Variants in RUNDC3B observed in about 807,000 individuals in gnomAD.
RUNDC3B encodes the protein RUN domain-containing protein 3B.
Under a neutral mutation model 58.4 loss-of-function variants are expected in RUNDC3B, and 33 were observed. The ratio of observed to expected loss-of-function variants is 0.56; its 90% CI spans 0.43 to 0.75. RUNDC3B has a LOEUF of 0.75. Ranked by LOEUF, RUNDC3B falls within the 30% of genes least tolerant of loss-of-function variation. The pLI, the probability that RUNDC3B is intolerant of heterozygous loss-of-function variation, is 0.00. For synonymous variants in RUNDC3B, 193 were observed against 195.2 expected, an observed-to-expected ratio of 0.99 and a Z score of 0.10; for missense variants, 501 against 535.7, an observed-to-expected ratio of 0.94 and a Z score of 0.64.
intron 6 of RUNDC3B, among the ~76,000 whole-genome samples, chr7:87,752,764 CT>C (rs1833097030): frequency 6.6e-6 from 1 of 152,070 alleles, no homozygotes; most frequent in Non-Finnish European, 1.5e-5. Flanking sequence ...ATTCTTCTCT[CT>C]TTTTTTCTTT....
chr7:87,745,779 A>AT (rs113597258), intron 6 of RUNDC3B, among the ~76,000 whole-genome samples: 21,961 of 151,184 alleles, frequency 0.15, 2,536 homozygotes, highest in African/African-American at 0.32. Flanking sequence ...TATCTTTTGT[A>AT]TTTTTTTGTT....
chr7:87,747,332 A>G (rs991104795), intron 6 of RUNDC3B, among the ~76,000 whole-genome samples: 7 of 152,042 alleles, frequency 4.6e-5, no homozygotes, highest in African/African-American at 1.4e-4. Flanking sequence ...TGAGCCATCT[A>G]TGGGTCTCTC....
intron 2 of RUNDC3B, 125 bp from the exon 3 acceptor site, chr7:87,700,296 G>C: frequency 2.8e-6 from 2 of 709,954 alleles, no homozygotes. Flanking sequence ...ACCTAGATTG[G>C]TGGTGCCCTT....
intron 4 of RUNDC3B, among the ~76,000 whole-genome samples, chr7:87,735,471 C>T (rs1831871186): frequency 2.0e-5 from 3 of 152,162 alleles, no homozygotes; most frequent in Admixed American, 1.3e-4. Flanking sequence ...TTTCTTATTA[C>T]ATTAGCCAGA....
At chr7:87,676,961 A>T (rs1826429897) in intron 2 of RUNDC3B, among the ~76,000 whole-genome samples, 1 of 152,156 alleles carries the variant, frequency 6.6e-6, no homozygotes, top group Admixed American at 6.5e-5. Context: ...CAGTATAAAA[A>T]ACAATCAAAA....
At chr7:87,720,774 G>A (rs1830836198) in intron 4 of RUNDC3B, among the ~76,000 whole-genome samples, 2 of 151,072 alleles carry the variant, frequency 1.3e-5, no homozygotes, top group Non-Finnish European at 3.0e-5. Flanking sequence ...CTAATTTTTT[G>A]TATTTTTAGT....
At chr7:87,797,080 T>C (rs1835859722) in intron 8 of RUNDC3B, among the ~76,000 whole-genome samples, 1 of 152,140 alleles carries the variant, frequency 6.6e-6, no homozygotes, top group South Asian at 2.1e-4. Context: ...GGGCACAAAG[T>C]GTATAAAGAT....
In RUNDC3B at chr7:87,642,771, G is replaced by C. The variant is rs1050317119; in HGVS notation, c.123-8051G>C. Among the ~76,000 whole-genome samples, 6 of 152,156 alleles carry C rather than the reference G, an allele frequency of 3.9e-5. No homozygotes were observed. The East Asian group carries it at 1.2e-3, about 29-fold the overall frequency. On this transcript the variant is annotated intron_variant, in intron 1 of 10. Coordinates refer to ENST00000394654, the MANE Select transcript of RUNDC3B (RefSeq NM_001134405.2). ...TATGTTTGGCAATCTGCTGTCATCA[G>C]TCTGCTTATATAGCAATACAAGATG...
rs146572938 is a variant in RUNDC3B, at chr7:87,825,419, C to T, written c.1226-4466C>T. Among the ~76,000 whole-genome samples the T allele has an allele frequency of 2.0e-3, 308 of 152,210 alleles. 4 individuals carry two copies. The East Asian group carries it at 0.034, about 17-fold the overall frequency. ...AGAATTGGGGTTTGGGAACCTCTGC[C>T]TAGATTTCAGAAGATGTAGGGAAAT... On this transcript the variant is annotated intron_variant, in intron 10 of 10. Transcript: ENST00000394654.
intron 2 of RUNDC3B, among the ~76,000 whole-genome samples, chr7:87,694,794 A>C (rs567635859): frequency 6.6e-6 from 1 of 152,314 alleles, no homozygotes; most frequent in South Asian, 2.1e-4. Flanking sequence ...TTTCAGAGAG[A>C]GTAAAATTAC....
chr7:87,777,399 C>T (rs183226093), intron 7 of RUNDC3B, among the ~76,000 whole-genome samples: 139 of 152,234 alleles, frequency 9.1e-4, no homozygotes, highest in Non-Finnish European at 1.7e-3. Flanking sequence ...ATTATACTAC[C>T]TCTCACTAAC....
intron 4 of RUNDC3B, among the ~76,000 whole-genome samples, chr7:87,730,900 A>C (rs1324826590): frequency 1.3e-5 from 2 of 152,072 alleles, no homozygotes; most frequent in Non-Finnish European, 2.9e-5. Context: ...GGGGAAGTAA[A>C]GGAAAAGAAC....
At chr7:87,696,126 T>C (rs1444649945) in intron 2 of RUNDC3B, among the ~76,000 whole-genome samples, 3 of 152,168 alleles carry the variant, frequency 2.0e-5, no homozygotes, top group African/African-American at 4.8e-5. Flanking sequence ...AGAATACTTA[T>C]AATTGAAAGC....
intron 2 of RUNDC3B, among the ~76,000 whole-genome samples, chr7:87,666,041 CTT>C (rs1466370274): frequency 6.6e-6 from 1 of 152,034 alleles, no homozygotes; most frequent in African/African-American, 2.4e-5. Flanking sequence ...TCTTTTAGCT[CTT>C]TGAGGAATTG....
intron 8 of RUNDC3B, among the ~76,000 whole-genome samples, chr7:87,780,449 GTTAT>G (rs200750323): frequency 0.011 from 1,740 of 152,082 alleles, 40 homozygotes; most frequent in African/African-American, 0.04. Context: ...TTTTACTGGG[GTTAT>G]TTGTTTTTTT....
intron 4 of RUNDC3B, among the ~76,000 whole-genome samples, chr7:87,730,484 A>G (rs906837667): frequency 4.0e-5 from 6 of 151,838 alleles, no homozygotes; most frequent in Non-Finnish European, 5.9e-5. Context: ...GCTTGAGGAA[A>G]AGGGGAGGAA....
At chr7:87,823,171 T>C (rs1052927468) in intron 10 of RUNDC3B, among the ~76,000 whole-genome samples, 6 of 152,272 alleles carry the variant, frequency 3.9e-5, no homozygotes, top group Admixed American at 2.0e-4. Context: ...TTTAGCCAGA[T>C]CTATTACCAA....
chr7:87,675,736 A>G (rs1041575693), intron 2 of RUNDC3B, among the ~76,000 whole-genome samples: 7 of 151,512 alleles, frequency 4.6e-5, no homozygotes, highest in African/African-American at 1.7e-4. Context: ...CCTTTCTCTT[A>G]TATCATACAC....
intron 2 of RUNDC3B, among the ~76,000 whole-genome samples, chr7:87,695,762 C>A (rs1381572583): frequency 3.9e-5 from 6 of 151,998 alleles, no homozygotes; most frequent in African/African-American, 1.2e-4. Flanking sequence ...TAGTAGAGAA[C>A]CACTTTAGAA....
Sources: allele counts gnomAD v4.1 joint callset (sites outside exome capture counted in the v4.1 genomes callset), GRCh38; gene constraint gnomAD v4.1.1; transcripts MANE v1.5; gene names NCBI Gene and HGNC (gene_info 2026-07-23, HGNC 2026-07-21).